Variants in DIRAS2 observed in about 807,000 individuals in gnomAD.
The protein encoded by DIRAS2 is GTP-binding protein Di-Ras2.
Under a neutral mutation model 13.9 loss-of-function variants are expected in DIRAS2, and 5 were observed. The observed-to-expected ratio is 0.36, with a 90% CI of 0.19 to 0.76. DIRAS2 has a LOEUF of 0.76. DIRAS2 is among the 30% of genes least tolerant of loss of function. DIRAS2 has a pLI of 0.53. For missense variants in DIRAS2, 191 were observed against 263.0 expected (o/e 0.73, Z 1.89); for synonymous variants, 111 against 105.4 (o/e 1.05, Z -0.33).
At chr9:90,625,153 C>A (rs776406693) in intron 1 of DIRAS2, among the ~76,000 whole-genome samples, 17 of 152,150 alleles carry the variant, frequency 1.1e-4, no homozygotes, top group Non-Finnish European at 1.8e-4. Flanking sequence ...CACGAATCTG[C>A]ATGTATGGAA....
intron 1 of DIRAS2, among the ~76,000 whole-genome samples, chr9:90,638,036 A>T (rs950034473): frequency 6.6e-6 from 1 of 152,186 alleles, no homozygotes; most frequent in African/African-American, 2.4e-5. Flanking sequence ...AGAAATTTAA[A>T]ATTTCTGTAT....
intron 1 of DIRAS2, among the ~76,000 whole-genome samples, chr9:90,627,199 C>T (rs1295679786): frequency 6.6e-6 from 1 of 152,128 alleles, no homozygotes; most frequent in Non-Finnish European, 1.5e-5. Flanking sequence ...CCTGAGGCCT[C>T]CCCAGAAGCA....
intron 1 of DIRAS2, among the ~76,000 whole-genome samples, chr9:90,640,570 A>G (rs1825409985): frequency 6.6e-6 from 1 of 152,248 alleles, no homozygotes; most frequent in South Asian, 2.1e-4. Flanking sequence ...TGGAAAAATC[A>G]TAACCAAAAT....
At chr9:90,620,741 C>CAAA (rs577185569) in intron 1 of DIRAS2, among the ~76,000 whole-genome samples, 187 of 132,184 alleles carry the variant, frequency 1.4e-3, no homozygotes, top group Admixed American at 3.0e-3. Flanking sequence ...TCCGCTGTCT[C>CAAA]AAAAAAAAAA....
At chr9:90,638,350 A>G (rs913234569) in intron 1 of DIRAS2, among the ~76,000 whole-genome samples, 18 of 152,218 alleles carry the variant, frequency 1.2e-4, no homozygotes, top group Admixed American at 6.5e-5. Context: ...AGAGAAATTC[A>G]AGTTCTTTTC....
intron 1 of DIRAS2, among the ~76,000 whole-genome samples, chr9:90,615,577 A>G (rs1041452686): frequency 1.3e-5 from 2 of 152,212 alleles, no homozygotes; most frequent in Non-Finnish European, 2.9e-5. Flanking sequence ...TTCTGTCACT[A>G]TAACAGAATA....
chr9:90,639,462 T>C (rs1263513674), intron 1 of DIRAS2, among the ~76,000 whole-genome samples: 1 of 152,256 alleles, frequency 6.6e-6, no homozygotes, highest in Non-Finnish European at 1.5e-5. Context: ...AGTTTTATAA[T>C]GGGTTTGCTG....
chr9:90,632,846 T>A (rs1825337406), intron 1 of DIRAS2, among the ~76,000 whole-genome samples: 2 of 152,250 alleles, frequency 1.3e-5, no homozygotes. Flanking sequence ...CATGTGTTTC[T>A]GTGGGCTGGG....
Position 90,611,719 on chromosome 9 carries a change from G to A in DIRAS2, c.*1509C>T, listed in dbSNP as rs726214. On this transcript the variant is annotated 3_prime_UTR_variant, in exon 2 of 2. Coordinates refer to ENST00000375765, the MANE Select transcript of DIRAS2 (RefSeq NM_017594.5). ...CCCACCCCCCCAGGCAGGCCCACGT[G>A]GGACTGCAGCTCCTTCTGCCTGCCA... 24,247 of 152,344 alleles carry A rather than the reference G, an allele frequency of 0.16. 1,995 individuals carry two copies. The highest frequency in any genetic ancestry group is 0.24 in the South Asian group (1,133 of 4,820). 9.4% of individuals were successfully genotyped at this position (152,344 alleles called of 1,614,324 possible).
intron 1 of DIRAS2, among the ~76,000 whole-genome samples, chr9:90,640,946 C>T (rs1385907378): frequency 1.3e-5 from 2 of 152,280 alleles, no homozygotes; most frequent in East Asian, 1.9e-4. Context: ...TTTATTATCA[C>T]AGATACACTC....
chr9:90,634,314 G>A (rs1340136688), intron 1 of DIRAS2, among the ~76,000 whole-genome samples: 11 of 152,184 alleles, frequency 7.2e-5, no homozygotes, highest in Non-Finnish European at 1.3e-4. Context: ...GAGAGCAAGG[G>A]CATACAGTAA....
intron 1 of DIRAS2, among the ~76,000 whole-genome samples, chr9:90,635,701 C>T (rs1438073400): frequency 1.3e-5 from 2 of 152,212 alleles, no homozygotes; most frequent in Non-Finnish European, 2.9e-5. Context: ...TCAGAGAAGG[C>T]CCAGGCCATG....
chr9:90,630,499 G>A (rs1001717809), intron 1 of DIRAS2, among the ~76,000 whole-genome samples: 1 of 152,132 alleles, frequency 6.6e-6, no homozygotes, highest in African/African-American at 2.4e-5. Context: ...GCATGCACTT[G>A]GATATGTTAT....
In DIRAS2 at chr9:90,611,864, A is replaced by C. The variant is rs570232142; in HGVS notation, c.*1364T>G. On this transcript the variant is annotated 3_prime_UTR_variant, in exon 2 of 2. Transcript: ENST00000375765. ...TATCAGTGGGAGTTTTCAGGAAGCCAAGTCCAACCAGGCTCTACGATGGCA... is the reference window on the plus strand; with the variant it reads ...TATCAGTGGGAGTTTTCAGGAAGCCCAGTCCAACCAGGCTCTACGATGGCA... 8.5e-5 allele frequency: 13 copies of C among 152,368 alleles called. No individual in the cohort carries two copies. The highest frequency in any genetic ancestry group is 6.5e-4 in the Admixed American group (10 of 15,310). 9.4% of individuals were successfully genotyped at this position (152,368 alleles called of 1,614,324 possible). A position where few individuals can be genotyped will look rare whatever the true frequency, so the allele number is the denominator to read the frequency against.
At chr9:90,619,905 G>T (rs926115208) in intron 1 of DIRAS2, among the ~76,000 whole-genome samples, 1 of 152,020 alleles carries the variant, frequency 6.6e-6, no homozygotes, top group Non-Finnish European at 1.5e-5. Context: ...GATAAATCCT[G>T]AAAATATTAT....
chr9:90,614,355 A>T (rs1049659853), intron 1 of DIRAS2, among the ~76,000 whole-genome samples: 75 of 133,050 alleles, frequency 5.6e-4, no homozygotes, highest in Middle Eastern at 3.6e-3. Context: ...TGTGTGTGTG[A>T]GAAATACTGG....
At chr9:90,636,040 T>C (rs1825367278) in intron 1 of DIRAS2, among the ~76,000 whole-genome samples, 1 of 130,930 alleles carries the variant, frequency 7.6e-6, no homozygotes, top group African/African-American at 3.0e-5. Context: ...TTTTTTTTTT[T>C]TTTTTTTTTT....
At chr9:90,623,803 G>A (rs1825243191) in intron 1 of DIRAS2, among the ~76,000 whole-genome samples, 2 of 152,206 alleles carry the variant, frequency 1.3e-5, no homozygotes, top group African/African-American at 4.8e-5. Flanking sequence ...TACTTGGGAG[G>A]CTGAGGCAGG....
intron 1 of DIRAS2, among the ~76,000 whole-genome samples, chr9:90,626,982 G>C (rs188766112): frequency 6.6e-6 from 1 of 152,160 alleles, no homozygotes; most frequent in Non-Finnish European, 1.5e-5. Flanking sequence ...GGTGGGGCCC[G>C]GTGGGAGGTG....
Sources: allele counts gnomAD v4.1 joint callset (sites outside exome capture counted in the v4.1 genomes callset), GRCh38; gene constraint gnomAD v4.1.1; transcripts MANE v1.5; gene names NCBI Gene and HGNC (gene_info 2026-07-23, HGNC 2026-07-21).